STK3: variants seen among roughly 807,000 people sequenced by gnomAD.
STK3 encodes serine/threonine kinase 3, also known as serine/threonine-protein kinase 3.
In STK3, 41 loss-of-function variants were observed where a neutral mutation model predicts 58.0. The observed-to-expected ratio is 0.71, with a 90% CI of 0.55 to 0.92. STK3 has a LOEUF of 0.92. Ranked by LOEUF, STK3 falls within the 40% of genes least tolerant of loss-of-function variation. The probability of loss-of-function intolerance (pLI) is 0.00; values close to 1 mark genes in which losing one functional copy is unlikely to be tolerated. For missense variants in STK3, 479 were observed against 602.7 expected (o/e 0.79, Z 2.15); for synonymous variants, 170 against 191.0 (o/e 0.89, Z 0.91).
At chr8:98,883,660 T>A, downstream of STK3, 1 of 702,960 alleles carries the variant, frequency 1.4e-6, no homozygotes, top group Non-Finnish European at 2.6e-6. Flanking sequence ...TCTTGCTTGT[T>A]TTCTTCTCCT....
At chr8:98,547,097 C>T (rs529236170) in intron 9 of STK3, among the ~76,000 whole-genome samples, 61 of 152,254 alleles carry the variant, frequency 4.0e-4, no homozygotes, top group African/African-American at 1.4e-3. Context: ...CTAGGTTCTA[C>T]AATGCTAGAA....
chr8:98,573,209 G>A (rs1813104961), intron 8 of STK3, among the ~76,000 whole-genome samples: 1 of 152,158 alleles, frequency 6.6e-6, no homozygotes, highest in Non-Finnish European at 1.5e-5. Flanking sequence ...TTCTTATGTG[G>A]TGGCAGAAAA....
intron 1 of STK3, among the ~76,000 whole-genome samples, chr8:98,796,188 C>A (rs1833155926): frequency 1.3e-5 from 2 of 152,214 alleles, no homozygotes; most frequent in South Asian, 4.2e-4. Context: ...ACAGCCAAGG[C>A]AACTGTAAGT....
At chr8:98,578,285 A>G (rs1813574378) in intron 8 of STK3, among the ~76,000 whole-genome samples, 1 of 152,240 alleles carries the variant, frequency 6.6e-6, no homozygotes, top group African/African-American at 2.4e-5. Flanking sequence ...TCATCTTTGT[A>G]GAATTAATGC....
Position 98,596,071 on chromosome 8 carries a change from C to T in STK3, c.783G>A (p.Lys261=). ...TTGCAGTAGCTCTCTGCTCAGGATT[C>T]TTCACCAAACACTTTTTAACAAAAT... ...FTDFVKKCLV[K]NPEQRATATQ... Residue 261 remains lysine (K), a synonymous_variant, in exon 7 of 11, where the codon AAG becomes AAA. Coordinates refer to ENST00000419617, the MANE Select transcript of STK3 (RefSeq NM_006281.4). The T allele has an allele frequency of 6.2e-7, 1 of 1,613,358 alleles. No homozygotes were observed. The highest frequency in any genetic ancestry group is 8.5e-7 in the Non-Finnish European group (1 of 1,179,646).
chr8:98,938,342 G>GA (rs1340958372), intron 1 of STK3, among the ~76,000 whole-genome samples: 1 of 152,212 alleles, frequency 6.6e-6, no homozygotes, highest in Non-Finnish European at 1.5e-5. Flanking sequence ...GTCCTAGAGA[G>GA]AAAGTGCAAA....
At chr8:98,745,907 T>C (rs937189761) in intron 4 of STK3, among the ~76,000 whole-genome samples, 3 of 152,250 alleles carry the variant, frequency 2.0e-5, no homozygotes, top group Non-Finnish European at 4.4e-5. Context: ...CTAGATGGTA[T>C]AGCCTATTGC....
At chr8:98,590,958 G>A (rs984429884) in intron 7 of STK3, among the ~76,000 whole-genome samples, 2 of 151,690 alleles carry the variant, frequency 1.3e-5, no homozygotes, top group Non-Finnish European at 2.9e-5. Context: ...TGTTTTTTCT[G>A]CATTCTTTTT....
At chr8:98,837,017 A>G (rs534298765) in intron 3 of STK3, among the ~76,000 whole-genome samples, 41 of 152,340 alleles carry the variant, frequency 2.7e-4, no homozygotes, top group African/African-American at 9.6e-4. Context: ...TACACTCATG[A>G]AAGAAGGAGA....
intron 4 of STK3, among the ~76,000 whole-genome samples, chr8:98,733,100 T>G (rs1406378680): frequency 6.6e-6 from 1 of 152,240 alleles, no homozygotes; most frequent in African/African-American, 2.4e-5. Context: ...CATTGTTTCC[T>G]CTTCCAAGAT....
chr8:98,733,922 A>G (rs969522581), intron 4 of STK3, among the ~76,000 whole-genome samples: 7 of 152,198 alleles, frequency 4.6e-5, no homozygotes, highest in Non-Finnish European at 1.0e-4. Context: ...ATTTAGAAGA[A>G]AAGAGATTTG....
intron 3 of STK3, among the ~76,000 whole-genome samples, chr8:98,423,352 G>A (rs987246918): frequency 2.0e-5 from 3 of 152,264 alleles, no homozygotes; most frequent in African/African-American, 7.2e-5. Context: ...GCCATGCCAA[G>A]CAGGGAGTGT....
chr8:98,775,745 A>G (rs575074175), intron 1 of STK3, among the ~76,000 whole-genome samples: 9 of 152,338 alleles, frequency 5.9e-5, no homozygotes, highest in Middle Eastern at 3.4e-3. Flanking sequence ...TCTATGCTGA[A>G]GTGTCAATGA....
chr8:98,772,931 A>G (rs1222163143), intron 2 of STK3, among the ~76,000 whole-genome samples: 2 of 152,166 alleles, frequency 1.3e-5, no homozygotes, highest in Non-Finnish European at 2.9e-5. Flanking sequence ...TATTTTTCTT[A>G]TAACAACACA....
chr8:98,843,833 A>G (rs571742220), intron 3 of STK3, among the ~76,000 whole-genome samples: 2 of 152,318 alleles, frequency 1.3e-5, no homozygotes, highest in East Asian at 1.9e-4. Context: ...CCTGGCCAAC[A>G]TGGCAAAACC....
downstream of STK3, among the ~76,000 whole-genome samples, chr8:98,451,911 C>T (rs1414903349): frequency 6.8e-6 from 1 of 147,774 alleles, no homozygotes; most frequent in African/African-American, 2.5e-5. Context: ...AAAAAAAAAA[C>T]CCTGGTACTC....
chr8:98,549,473 T>C (rs545387317), intron 8 of STK3, among the ~76,000 whole-genome samples: 12 of 152,316 alleles, frequency 7.9e-5, no homozygotes, highest in African/African-American at 2.9e-4. Flanking sequence ...TATTACAAAT[T>C]CTGGATATTA....
intron 1 of STK3, among the ~76,000 whole-genome samples, chr8:98,885,037 C>T (rs1179608978): frequency 6.6e-6 from 1 of 152,176 alleles, no homozygotes; most frequent in Non-Finnish European, 1.5e-5. Flanking sequence ...AAATCTCAAA[C>T]AAATGAACTA....
At chr8:98,796,509 G>C (rs1833173716) in intron 1 of STK3, among the ~76,000 whole-genome samples, 1 of 152,062 alleles carries the variant, frequency 6.6e-6, no homozygotes, top group Non-Finnish European at 1.5e-5. Context: ...TCAAACTGTA[G>C]GAATCCCAGA....
Sources: gnomAD v4.1 joint callset for allele counts (sites outside exome capture counted in the v4.1 genomes callset) on GRCh38, gnomAD v4.1.1 for gene constraint, MANE v1.5 for transcripts, NCBI Gene and HGNC (gene_info 2026-07-23, HGNC 2026-07-21) for gene names.